Variants in TAFA1 observed in about 807,000 individuals in gnomAD.
The protein encoded by TAFA1 is TAFA chemokine like family member 1.
In TAFA1, 4 loss-of-function variants were observed where a neutral mutation model predicts 18.5. The observed-to-expected ratio is 0.22, with a 90% CI of 0.11 to 0.49. TAFA1 has a LOEUF of 0.49. Ranked by LOEUF, TAFA1 falls within the 20% of genes least tolerant of loss-of-function variation. The probability of loss-of-function intolerance (pLI) is 0.98; values close to 1 mark genes in which losing one functional copy is unlikely to be tolerated. For synonymous variants in TAFA1, 56 were observed against 55.2 expected (o/e 1.01, Z -0.06); for missense variants, 147 against 169.0 (o/e 0.87, Z 0.72).
In TAFA1 at chr3:68,010,072, A is replaced by G. The variant is rs748122318; in HGVS notation, c.118+3328A>G. Reference sequence around the variant, plus strand: ...CTAAGCTTGAAAAATCACCTCTTTCATAAAGCAAGAGCAGGCAGACTCCGC... The same window carrying G: ...CTAAGCTTGAAAAATCACCTCTTTCGTAAAGCAAGAGCAGGCAGACTCCGC... On this transcript the variant is annotated intron_variant, in intron 2 of 4. Transcript: ENST00000478136. Among the ~76,000 whole-genome samples, 68 of 152,326 alleles carry G rather than the reference A, an allele frequency of 4.5e-4. 1 individual carries two copies. Among genetic ancestry groups the G allele is most frequent in the Admixed American group, 1.4e-3 (22 of 15,298 alleles).
intron 2 of TAFA1, among the ~76,000 whole-genome samples, chr3:68,044,652 G>A (rs1705232306): frequency 6.6e-6 from 1 of 152,164 alleles, no homozygotes; most frequent in South Asian, 2.1e-4. Context: ...TAGTCAAATA[G>A]GAGATGAAAG....
chr3:68,447,182 T>C (rs920275503), intron 3 of TAFA1, among the ~76,000 whole-genome samples: 1 of 152,220 alleles, frequency 6.6e-6, no homozygotes, highest in Admixed American at 6.5e-5. Flanking sequence ...TGTAGGCATT[T>C]ATGTTTATCA....
chr3:68,199,900 G>A (rs1022012136), intron 2 of TAFA1, among the ~76,000 whole-genome samples: 2 of 151,568 alleles, frequency 1.3e-5, no homozygotes, highest in South Asian at 2.1e-4. Flanking sequence ...GGTGAGAGGC[G>A]ACACCCTTGC....
intron 2 of TAFA1, among the ~76,000 whole-genome samples, chr3:68,336,584 A>G (rs552781546): frequency 2.6e-5 from 4 of 152,352 alleles, no homozygotes; most frequent in Admixed American, 2.0e-4. Flanking sequence ...ATAATCTTCA[A>G]ACTATCTGCT....
intron 3 of TAFA1, among the ~76,000 whole-genome samples, chr3:68,438,615 C>T (rs1031320700): frequency 2.0e-5 from 3 of 152,102 alleles, no homozygotes; most frequent in Non-Finnish European, 4.4e-5. Context: ...CTTCAACGCA[C>T]CTTTCCACTC....
intron 2 of TAFA1, among the ~76,000 whole-genome samples, chr3:68,135,469 C>T (rs2065596237): frequency 6.6e-6 from 1 of 152,190 alleles, no homozygotes; most frequent in African/African-American, 2.4e-5. Flanking sequence ...AGCACACACT[C>T]TAGAGTCTAC....
At chr3:68,371,091 A>AT (rs948775869) in intron 2 of TAFA1, among the ~76,000 whole-genome samples, 1 of 151,924 alleles carries the variant, frequency 6.6e-6, no homozygotes, top group Non-Finnish European at 1.5e-5. Flanking sequence ...AAAGATTGTA[A>AT]TTTTTCCTCT....
chr3:68,356,565 G>A (rs1389121130), intron 2 of TAFA1, among the ~76,000 whole-genome samples: 1 of 151,850 alleles, frequency 6.6e-6, no homozygotes, highest in East Asian at 1.9e-4. Context: ...GTACTGGGCT[G>A]TAAGCTAAAC....
chr3:68,384,529 AT>A (rs2070048545), intron 2 of TAFA1, among the ~76,000 whole-genome samples: 1 of 152,044 alleles, frequency 6.6e-6, no homozygotes, highest in Admixed American at 6.6e-5. Context: ...GGTCAGAAAG[AT>A]TGTTTATTGT....
chr3:68,426,180 G>A lies in TAFA1; in HGVS notation c.259+8760G>A, dbSNP rs187861555. Among the ~76,000 whole-genome samples, 29 of 151,738 alleles carry A rather than the reference G, an allele frequency of 1.9e-4. No individual in the cohort carries two copies. In the East Asian group the frequency reaches 3.5e-3, roughly 18 times the overall value. On this transcript the variant is annotated intron_variant, in intron 3 of 4. Transcript: ENST00000478136. ...ACATCAAAACATCACATTGTACCCCGTAATTATTTATCAATTAAAAATTTT... is the reference window on the plus strand; with the variant it reads ...ACATCAAAACATCACATTGTACCCCATAATTATTTATCAATTAAAAATTTT...
chr3:68,531,016 CAACAAAACAAAACAA>C (rs59861876), intron 3 of TAFA1, among the ~76,000 whole-genome samples: 10 of 147,518 alleles, frequency 6.8e-5, no homozygotes, highest in South Asian at 2.2e-4. Context: ...TTAACAACAA[CAACAAAACAAAACAA>C]AACAAAACAA....
intron 2 of TAFA1, among the ~76,000 whole-genome samples, chr3:68,155,354 C>A (rs574222361): frequency 3.9e-5 from 6 of 152,128 alleles, no homozygotes; most frequent in Admixed American, 2.6e-4. Context: ...ATTTACCAAG[C>A]CTTTACCTTA....
chr3:68,370,414 ATG>A (rs2069668958), intron 2 of TAFA1, among the ~76,000 whole-genome samples: 3 of 93,326 alleles, frequency 3.2e-5, no homozygotes, highest in African/African-American at 8.5e-5. Context: ...ACACATATAT[ATG>A]TACACACACA....
At chr3:68,341,832 A>G (rs1350957151) in intron 2 of TAFA1, among the ~76,000 whole-genome samples, 1 of 152,250 alleles carries the variant, frequency 6.6e-6, no homozygotes, top group Admixed American at 6.5e-5. Flanking sequence ...AGAGGACCAC[A>G]GAGTATAAAC....
At chr3:68,270,453 C>G (rs1260413853) in intron 2 of TAFA1, among the ~76,000 whole-genome samples, 1 of 152,134 alleles carries the variant, frequency 6.6e-6, no homozygotes, top group African/African-American at 2.4e-5. Flanking sequence ...TTATGTGGAC[C>G]AAAAACCAGA....
intron 3 of TAFA1, among the ~76,000 whole-genome samples, chr3:68,529,291 A>G (rs896951535): frequency 3.3e-5 from 5 of 151,824 alleles, no homozygotes; most frequent in Admixed American, 3.3e-4. Flanking sequence ...TCAGGAGCTT[A>G]TCTTTTCTCT....
chr3:68,079,749 G>T (rs1054487819), intron 2 of TAFA1, among the ~76,000 whole-genome samples: 1 of 152,042 alleles, frequency 6.6e-6, no homozygotes, highest in Non-Finnish European at 1.5e-5. Flanking sequence ...GGTCAATTTT[G>T]GAATAGGTGT....
At chr3:68,498,820 T>C (rs2072603014) in intron 3 of TAFA1, among the ~76,000 whole-genome samples, 1 of 148,712 alleles carries the variant, frequency 6.7e-6, no homozygotes, top group Admixed American at 6.8e-5. Flanking sequence ...GAAGTAATTC[T>C]TGTGTATAGA....
chr3:68,020,414 T>C (rs1575577156), intron 2 of TAFA1, among the ~76,000 whole-genome samples: 1 of 152,168 alleles, frequency 6.6e-6, no homozygotes, highest in African/African-American at 2.4e-5. Context: ...ACCCATAGAG[T>C]GGGGGTTTGT....
Sources: gnomAD v4.1 joint callset for allele counts (sites outside exome capture counted in the v4.1 genomes callset) on GRCh38, gnomAD v4.1.1 for gene constraint, MANE v1.5 for transcripts, NCBI Gene and HGNC (gene_info 2026-07-23, HGNC 2026-07-21) for gene names.